LRRC7: variants seen among roughly 807,000 people sequenced by gnomAD.
LRRC7 encodes the protein leucine-rich repeat-containing protein 7.
LRRC7 carries 23 observed loss-of-function variants against 175.7 expected under a neutral mutation model. The ratio of observed to expected loss-of-function variants is 0.13; its 90% CI spans 0.09 to 0.19. The LOEUF (loss-of-function observed/expected upper bound fraction) is 0.19, where lower values mean the gene tolerates loss of function less well. Ranked by LOEUF, LRRC7 falls within the 10% of genes least tolerant of loss-of-function variation. The probability of loss-of-function intolerance (pLI) is 1.00; values close to 1 mark genes in which losing one functional copy is unlikely to be tolerated. For missense variants in LRRC7, 1,354 were observed against 1,904.7 expected (o/e 0.71, Z 5.38); for synonymous variants, 685 against 680.9 (o/e 1.01, Z -0.09).
At chr1:69,919,703 AG>A in intron 7 of LRRC7, 1 of 994,078 alleles carries the variant, frequency 1.0e-6, no homozygotes, top group Non-Finnish European at 1.6e-6. Flanking sequence ...GGCCAAGGCC[AG>A]GGGAGACCTG....
chr1:69,587,780 C>A (rs1557440820), intron 1 of LRRC7, among the ~76,000 whole-genome samples: 1 of 152,162 alleles, frequency 6.6e-6, no homozygotes, highest in Non-Finnish European at 1.5e-5. Flanking sequence ...ATTATTATCT[C>A]TCTCTCCTGC....
intron 2 of LRRC7, 91 bp from the exon 3 acceptor site, chr1:69,760,100 A>T: frequency 7.4e-7 from 1 of 1,345,020 alleles, no homozygotes; most frequent in Non-Finnish European, 1.0e-6. Context: ...GTATACCAAA[A>T]TTAAATTTCT....
At chr1:69,927,758 C>G (rs2101759096) in intron 7 of LRRC7, among the ~76,000 whole-genome samples, 1 of 152,148 alleles carries the variant, frequency 6.6e-6, no homozygotes, top group African/African-American at 2.4e-5. Context: ...TTTGAATTTC[C>G]TCCTGTCGTT....
At chr1:69,956,824 A>T (rs1650541241) in intron 8 of LRRC7, among the ~76,000 whole-genome samples, 2 of 151,652 alleles carry the variant, frequency 1.3e-5, no homozygotes, top group South Asian at 4.1e-4. Context: ...TAATCCATCG[A>T]ACTCTAATAG....
intron 4 of LRRC7, among the ~76,000 whole-genome samples, chr1:69,822,626 T>G (rs1224453824): frequency 6.6e-6 from 1 of 152,204 alleles, no homozygotes; most frequent in Non-Finnish European, 1.5e-5. Flanking sequence ...CCCACACAGT[T>G]GGGCAAGCCT....
intron 2 of LRRC7, among the ~76,000 whole-genome samples, chr1:69,741,716 G>A (rs1490405242): frequency 6.6e-6 from 1 of 151,960 alleles, no homozygotes; most frequent in East Asian, 1.9e-4. Flanking sequence ...CAGTCACCGA[G>A]TCTTGCTGAT....
At chr1:69,883,084 G>A (rs1686803551) in intron 7 of LRRC7, among the ~76,000 whole-genome samples, 1 of 152,036 alleles carries the variant, frequency 6.6e-6, no homozygotes, top group African/African-American at 2.4e-5. Context: ...ACGTGTGCAT[G>A]TGTCTTTATA....
At chr1:70,022,565 T>C (rs1347030414) in intron 16 of LRRC7, among the ~76,000 whole-genome samples, 1 of 152,178 alleles carries the variant, frequency 6.6e-6, no homozygotes, top group Non-Finnish European at 1.5e-5. Context: ...CTTTAGAGTG[T>C]TTTTTCTCTG....
At chr1:69,846,309 G>A (rs974977943) in intron 7 of LRRC7, among the ~76,000 whole-genome samples, 7 of 152,014 alleles carry the variant, frequency 4.6e-5, no homozygotes, top group African/African-American at 1.4e-4. Context: ...TAATATTATG[G>A]TTAGCTAAGG....
rs543697867 is a variant in LRRC7, at chr1:69,601,112, C to T, written c.2+32471C>T. 7.2e-5 allele frequency among the ~76,000 whole-genome samples: 11 copies of T among 152,102 alleles called. No individual in the cohort carries two copies. The East Asian group carries it at 1.2e-3, about 16-fold the overall frequency. On this transcript the variant is annotated intron_variant, in intron 1 of 26. Coordinates refer to ENST00000651989, the MANE Select transcript of LRRC7 (RefSeq NM_001370785.2). ...ATTACAGGCATGAGCCACCGTGCCTCGCCCCTGGTTCTTTTTATTAAAGAA... is the reference window on the plus strand; with the variant it reads ...ATTACAGGCATGAGCCACCGTGCCTTGCCCCTGGTTCTTTTTATTAAAGAA...
chr1:69,911,807 C>G (rs1025148911), intron 7 of LRRC7, among the ~76,000 whole-genome samples: 5 of 152,092 alleles, frequency 3.3e-5, no homozygotes, highest in Admixed American at 3.3e-4. Flanking sequence ...TTTAAATTCT[C>G]TGACAGCTTA....
At chr1:69,947,501 A>G (rs1025000458) in intron 8 of LRRC7, among the ~76,000 whole-genome samples, 1 of 152,094 alleles carries the variant, frequency 6.6e-6, no homozygotes, top group African/African-American at 2.4e-5. Flanking sequence ...TTAAGCTGAT[A>G]ACAACTTAAC....
chr1:69,655,678 A>G (rs1656506199), intron 1 of LRRC7, among the ~76,000 whole-genome samples: 1 of 152,102 alleles, frequency 6.6e-6, no homozygotes, highest in African/African-American at 2.4e-5. Flanking sequence ...AGGAAAAAGG[A>G]TAAAAGGCAG....
intron 4 of LRRC7, among the ~76,000 whole-genome samples, chr1:69,797,774 C>G (rs1283609299): frequency 6.6e-6 from 1 of 152,158 alleles, no homozygotes; most frequent in East Asian, 1.9e-4. Context: ...CTGCATTACT[C>G]TCCAATATAA....
chr1:70,109,464 A>T (rs987168902), intron 26 of LRRC7, among the ~76,000 whole-genome samples: 1 of 152,228 alleles, frequency 6.6e-6, no homozygotes, highest in African/African-American at 2.4e-5. Flanking sequence ...GCCTGAGTTC[A>T]TTCTATGCAG....
intron 2 of LRRC7, among the ~76,000 whole-genome samples, chr1:69,713,804 A>C (rs1665047720): frequency 6.6e-6 from 1 of 151,742 alleles, no homozygotes; most frequent in African/African-American, 2.4e-5. Context: ...ATAATTGTTT[A>C]ACATTAATAC....
intron 5 of LRRC7, among the ~76,000 whole-genome samples, chr1:69,832,344 A>G (rs530296811): frequency 9.8e-5 from 15 of 152,286 alleles, no homozygotes; most frequent in African/African-American, 3.6e-4. Flanking sequence ...TGAACAGACC[A>G]GGCTTTAGCA....
chr1:69,821,171 G>C (rs113844979), intron 4 of LRRC7, among the ~76,000 whole-genome samples: 10 of 152,206 alleles, frequency 6.6e-5, no homozygotes, highest in African/African-American at 2.4e-4. Flanking sequence ...CTTTAAATAA[G>C]TGTTATGTAC....
intron 23 of LRRC7, among the ~76,000 whole-genome samples, chr1:70,059,140 TAGG>T (rs1392317981): frequency 6.6e-6 from 1 of 152,182 alleles, no homozygotes; most frequent in East Asian, 1.9e-4. Flanking sequence ...AACAAAAGAC[TAGG>T]CATTCAAAGG....
Sources: allele counts gnomAD v4.1 joint callset (sites outside exome capture counted in the v4.1 genomes callset), GRCh38; gene constraint gnomAD v4.1.1; transcripts MANE v1.5; gene names NCBI Gene and HGNC (gene_info 2026-07-23, HGNC 2026-07-21).